USP25: variants seen among roughly 807,000 people sequenced by gnomAD.
The protein encoded by USP25 is ubiquitin carboxyl-terminal hydrolase 25.
In USP25, 85 loss-of-function variants were observed where a neutral mutation model predicts 158.5. The ratio of observed to expected loss-of-function variants is 0.54; its 90% CI spans 0.45 to 0.64. USP25 has a LOEUF of 0.64. Ranked by LOEUF, USP25 falls within the 30% of genes least tolerant of loss-of-function variation. USP25 has a pLI of 0.00. For synonymous variants in USP25, 464 were observed against 460.4 expected, an observed-to-expected ratio of 1.01 and a Z score of -0.10; for missense variants, 1,242 against 1,327.3, an observed-to-expected ratio of 0.94 and a Z score of 1.00.
intron 1 of USP25, among the ~76,000 whole-genome samples, chr21:15,733,598 T>C (rs1424916706): frequency 6.6e-6 from 1 of 151,878 alleles, no homozygotes; most frequent in African/African-American, 2.4e-5. Flanking sequence ...CCCAGTACTT[T>C]GGGAAGGTGA....
At chr21:15,823,973 C>CT in intron 10 of USP25, 66 bp from the exon 11 acceptor site, 7 of 1,500,188 alleles carry the variant, frequency 4.7e-6, no homozygotes, top group Non-Finnish European at 6.4e-6. Flanking sequence ...CATCCTGTGC[C>CT]TAAGATTGCA....
At chr21:15,811,653 G>T (rs1288574682) in intron 9 of USP25, among the ~76,000 whole-genome samples, 1 of 152,112 alleles carries the variant, frequency 6.6e-6, no homozygotes, top group Admixed American at 6.6e-5. Flanking sequence ...TTTAAATGTA[G>T]ATATTAGTTT....
chr21:15,792,952 G>A (rs531656586), intron 5 of USP25, among the ~76,000 whole-genome samples: 1 of 151,696 alleles, frequency 6.6e-6, no homozygotes, highest in South Asian at 2.1e-4. Context: ...ATGCCAAAAA[G>A]CAATATCTAA....
At chr21:15,736,329 C>T (rs965704142) in intron 1 of USP25, among the ~76,000 whole-genome samples, 20 of 152,058 alleles carry the variant, frequency 1.3e-4, no homozygotes, top group African/African-American at 4.6e-4. Flanking sequence ...AACTCCTGAC[C>T]CCGAGTGATC....
chr21:15,770,077 C>A (rs1198464645), intron 3 of USP25, among the ~76,000 whole-genome samples: 1 of 151,838 alleles, frequency 6.6e-6, no homozygotes, highest in Non-Finnish European at 1.5e-5. Context: ...TCTTGCTTGG[C>A]CACAGTAATA....
chr21:15,805,137 C>T lies in USP25; in HGVS notation c.659C>T (p.Pro220Leu), dbSNP rs745348101. The T allele has an allele frequency of 2.5e-6, 4 of 1,592,326 alleles. No homozygotes were observed. Among genetic ancestry groups the T allele is most frequent in the African/African-American group, 1.4e-5 (1 of 73,448 alleles). The stretch of plus-strand genomic sequence containing the variant: ...CTTCAATAGGAACATCGGAATTTGC[C>T]TTTTATGCGTGAGCTGAGGTATCTA... ...PRNQKEHRNL[P>L]FMRELRYLFA... The change falls in exon 7 of 26, where the codon CCT becomes CTT. Residue 220 changes from proline (P) to leucine (L), a missense_variant. Coordinates refer to ENST00000400183, the MANE Select transcript of USP25 (RefSeq NM_001283041.3).
chr21:15,856,073 G>A (rs2039122699), intron 20 of USP25, among the ~76,000 whole-genome samples: 2 of 152,144 alleles, frequency 1.3e-5, no homozygotes, highest in African/African-American at 4.8e-5. Flanking sequence ...GGTATTGCCT[G>A]TTTATATGCA....
intron 9 of USP25, among the ~76,000 whole-genome samples, chr21:15,818,245 G>A (rs895586370): frequency 6.6e-6 from 1 of 151,968 alleles, no homozygotes; most frequent in Non-Finnish European, 1.5e-5. Context: ...ACATAATTCT[G>A]TCTCATCACA....
At chr21:15,829,167 G>A (rs1211946155) in intron 14 of USP25, among the ~76,000 whole-genome samples, 1 of 152,046 alleles carries the variant, frequency 6.6e-6, no homozygotes, top group Non-Finnish European at 1.5e-5. Context: ...AGTAGGATAT[G>A]TTCTTTTTTA....
At chr21:15,842,696 C>A (rs1346048620) in intron 18 of USP25, among the ~76,000 whole-genome samples, 156 bp downstream of exon 18, 1 of 152,082 alleles carries the variant, frequency 6.6e-6, no homozygotes, top group Non-Finnish European at 1.5e-5. Flanking sequence ...TCATCTCATG[C>A]CCAGGCTGTG....
chr21:15,866,381 G>C (rs985484571), intron 22 of USP25, 37 bp downstream of exon 22: 8 of 1,449,718 alleles, frequency 5.5e-6, no homozygotes, highest in Non-Finnish European at 5.6e-6. Context: ...TACAGATTTA[G>C]GGATTCTGTA....
In USP25 at chr21:15,826,936, G is replaced by C. The variant is rs1357982486; in HGVS notation, c.1467-41G>C. The C allele has an allele frequency of 3.1e-6, 5 of 1,597,794 alleles. No individual in the cohort carries two copies. Among genetic ancestry groups the C allele is most frequent in the Non-Finnish European group, 3.4e-6 (4 of 1,171,972 alleles). On this transcript the variant is annotated intron_variant, in intron 13 of 25. Coordinates refer to ENST00000400183, the MANE Select transcript of USP25 (RefSeq NM_001283041.3). The surrounding 1 kb of genome is among the most constrained non-coding windows in gnomAD (Gnocchi z 4.8). Reference sequence around the variant, plus strand: ...GGCACGATCTTTGTCAAGAGTTTCAGCTTGAAAGGTTAATAAGAAATACTC... The same window carrying C: ...GGCACGATCTTTGTCAAGAGTTTCACCTTGAAAGGTTAATAAGAAATACTC...
chr21:15,790,870 TTAAC>T (rs1431538058), intron 4 of USP25, among the ~76,000 whole-genome samples: 2 of 151,914 alleles, frequency 1.3e-5, no homozygotes, highest in African/African-American at 4.8e-5. Flanking sequence ...TTTGGAAAGG[TTAAC>T]TATCTTTTGT....
At position 15,805,145 on chromosome 21, in the gene USP25, C is replaced by T. The variant is rs200318307; in HGVS notation, c.667C>T (p.Arg223Cys). The change falls in exon 7 of 26, where the codon CGT (arginine) becomes TGT (cysteine). Residue 223 changes from arginine (R) to cysteine (C), a missense_variant. By Grantham distance (180) the Arg-to-Cys change is radical. Around this residue, in one of 3 missense-constraint regions of USP25, gnomAD observed 627 missense variants for 701.4 expected, o/e 0.89. Transcript: ENST00000400183. ...QKEHRNLPFM[R>C]ELRYLFALLV... The stretch of plus-strand genomic sequence containing the variant: ...GGAACATCGGAATTTGCCTTTTATG[C>T]GTGAGCTGAGGTATCTATTTGCACT... 23 of 1,596,450 alleles carry T rather than the reference C, an allele frequency of 1.4e-5. No individual in the cohort carries two copies. Among genetic ancestry groups the T allele is most frequent in the Admixed American group, 8.8e-5 (5 of 56,708 alleles).
At position 15,830,979 on chromosome 21, in the gene USP25, C is replaced by T. The variant is rs1354335354; in HGVS notation, c.1764+378C>T. ...AAGGATATTAAGATTTGGGAAGAAA[C>T]TTAAGGACTCCATTACATTTTAACT... On this transcript the variant is annotated intron_variant, in intron 15 of 25. Coordinates refer to ENST00000400183, the MANE Select transcript of USP25 (RefSeq NM_001283041.3). Among the ~76,000 whole-genome samples, 3 of 152,038 alleles carry T rather than the reference C, an allele frequency of 2.0e-5. No homozygotes were observed. The East Asian group carries it at 5.8e-4, about 29-fold the overall frequency.
intron 20 of USP25, among the ~76,000 whole-genome samples, chr21:15,852,134 C>T (rs1352556334): frequency 2.6e-5 from 4 of 152,000 alleles, no homozygotes; most frequent in Admixed American, 2.0e-4. Context: ...GAGATTGAGT[C>T]GAATTTGACG....
At chr21:15,869,975 A>G in intron 22 of USP25, 93 bp from the exon 23 acceptor site, 5 of 856,386 alleles carry the variant, frequency 5.8e-6, no homozygotes, top group Admixed American at 5.5e-5. Flanking sequence ...ATTAATTCAG[A>G]TAGTAGCGAA....
chr21:15,849,906 T>G (rs1030772834), intron 20 of USP25, 34 bp downstream of exon 20: 2 of 1,398,780 alleles, frequency 1.4e-6, no homozygotes, highest in Non-Finnish European at 1.9e-6. Flanking sequence ...GTGTCTTTTC[T>G]TTTTCAAAAT....
intron 20 of USP25, 32 bp downstream of exon 20, chr21:15,849,904 TC>T: frequency 7.0e-7 from 1 of 1,418,788 alleles, no homozygotes; most frequent in Non-Finnish European, 9.5e-7. Flanking sequence ...TCGTGTCTTT[TC>T]TTTTTCAAAA....
Sources: allele counts gnomAD v4.1 joint callset (sites outside exome capture counted in the v4.1 genomes callset), GRCh38; gene constraint gnomAD v4.1.1; regional missense constraint gnomAD v4.1.1; non-coding constraint Gnocchi (gnomAD v3.1); transcripts MANE v1.5; gene names NCBI Gene and HGNC (gene_info 2026-07-23, HGNC 2026-07-21).